Variants in QKI observed in about 807,000 individuals in gnomAD.
QKI encodes KH domain-containing RNA-binding protein QKI.
QKI carries 10 observed loss-of-function variants against 39.0 expected under a neutral mutation model. The observed-to-expected ratio is 0.26, with a 90% CI of 0.16 to 0.43. The LOEUF (loss-of-function observed/expected upper bound fraction) is 0.43, where lower values mean the gene tolerates loss of function less well. Ranked by LOEUF, QKI falls within the 20% of genes least tolerant of loss-of-function variation. The probability of loss-of-function intolerance (pLI) is 1.00; values close to 1 mark genes in which losing one functional copy is unlikely to be tolerated. For synonymous variants in QKI, 204 were observed against 155.4 expected, an observed-to-expected ratio of 1.31 and a Z score of -2.33; for missense variants, 218 against 428.0, an observed-to-expected ratio of 0.51 and a Z score of 4.33.
intron 3 of QKI, among the ~76,000 whole-genome samples, chr6:163,487,284 CTCCTT>C (rs1777743120): frequency 6.6e-6 from 1 of 152,078 alleles, no homozygotes; most frequent in East Asian, 1.9e-4. Context: ...CATTGCCTCT[CTCCTT>C]TCAAGAGGGA....
chr6:163,479,048 G>A (rs558935200), intron 3 of QKI, 152 bp downstream of exon 3: 1 of 566,428 alleles, frequency 1.8e-6, no homozygotes, highest in East Asian at 3.3e-5. Flanking sequence ...CACTTTGGGA[G>A]GCCGAGGCAG....
At chr6:163,485,239 G>A (rs1229235616) in intron 3 of QKI, among the ~76,000 whole-genome samples, 1 of 152,114 alleles carries the variant, frequency 6.6e-6, no homozygotes, top group Non-Finnish European at 1.5e-5. Flanking sequence ...TAGACTAGAG[G>A]ATGAATTTTA....
At chr6:163,472,167 A>T (rs1208971765) in intron 2 of QKI, among the ~76,000 whole-genome samples, 1 of 152,200 alleles carries the variant, frequency 6.6e-6, no homozygotes, top group African/African-American at 2.4e-5. Context: ...TAAACAGTTG[A>T]TCAACACATT....
intron 1 of QKI, among the ~76,000 whole-genome samples, chr6:163,441,606 G>T (rs532031594): frequency 5.9e-5 from 9 of 152,282 alleles, no homozygotes; most frequent in African/African-American, 1.9e-4. Flanking sequence ...AAATAAAATT[G>T]AAGGGTAAAG....
At chr6:163,477,676 T>C (rs1792726641) in intron 2 of QKI, among the ~76,000 whole-genome samples, 2 of 152,288 alleles carry the variant, frequency 1.3e-5, no homozygotes, top group South Asian at 4.1e-4. Flanking sequence ...TGAAATAAGA[T>C]GTATGAAAAT....
intron 6 of QKI, 159 bp downstream of exon 6, chr6:163,563,878 G>C (rs554472675): frequency 3.0e-4 from 431 of 1,425,982 alleles, no homozygotes; most frequent in Non-Finnish European, 3.6e-4. Flanking sequence ...TCTCATAAGG[G>C]TTCCCCTTTG....
chr6:163,427,484 TG>T (rs750713143), intron 1 of QKI, among the ~76,000 whole-genome samples: 4 of 151,942 alleles, frequency 2.6e-5, no homozygotes, highest in African/African-American at 9.7e-5. Context: ...CCTTTTTTGG[TG>T]GGGGGGTCCT....
chr6:163,569,365 C>T, intron 7 of QKI: 1 of 1,226,510 alleles, frequency 8.2e-7, no homozygotes, highest in Non-Finnish European at 1.0e-6. Flanking sequence ...ACCTTCTGGG[C>T]TTTGATTTAT....
chr6:163,506,842 A>G (rs1483972663), intron 3 of QKI, among the ~76,000 whole-genome samples: 1 of 152,084 alleles, frequency 6.6e-6, no homozygotes, highest in African/African-American at 2.4e-5. Flanking sequence ...ACATAAGTAC[A>G]CCCCTTTCAG....
chr6:163,467,323 A>C (rs1284865919), intron 2 of QKI, among the ~76,000 whole-genome samples: 1 of 152,192 alleles, frequency 6.6e-6, no homozygotes, highest in East Asian at 1.9e-4. Context: ...GGAGGGAGGG[A>C]TTCAGTCACT....
At chr6:163,433,010 T>G (rs1358580421) in intron 1 of QKI, among the ~76,000 whole-genome samples, 1 of 152,050 alleles carries the variant, frequency 6.6e-6, no homozygotes, top group Non-Finnish European at 1.5e-5. Flanking sequence ...TAAAGGCAGG[T>G]GGAAGTAAGA....
intron 1 of QKI, chr6:163,429,120 A>C (rs2128210294): frequency 6.6e-6 from 1 of 152,308 alleles, no homozygotes; most frequent in Middle Eastern, 3.4e-3. Context: ...TTTTCAGGGA[A>C]ATATAGCAAT....
At chr6:163,418,645 T>C (rs1188020332) in intron 1 of QKI, among the ~76,000 whole-genome samples, 1 of 152,088 alleles carries the variant, frequency 6.6e-6, no homozygotes, top group Non-Finnish European at 1.5e-5. Flanking sequence ...TTATTGAAGA[T>C]AGAGATGATT....
At chr6:163,438,265 A>G (rs1288402948) in intron 1 of QKI, among the ~76,000 whole-genome samples, 2 of 152,228 alleles carry the variant, frequency 1.3e-5, no homozygotes, top group Admixed American at 6.5e-5. Flanking sequence ...TTTCAGATCT[A>G]TCAGAACACA....
intron 6 of QKI, chr6:163,564,703 C>T (rs1482071126): frequency 6.2e-7 from 1 of 1,613,890 alleles, no homozygotes; most frequent in Non-Finnish European, 8.5e-7. Context: ...GATATTTCAG[C>T]CCATTGACTT....
At chr6:163,547,885 CTTG>C (rs1444686711) in intron 4 of QKI, among the ~76,000 whole-genome samples, 2 of 152,092 alleles carry the variant, frequency 1.3e-5, no homozygotes, top group African/African-American at 4.8e-5. Context: ...CATCACACTC[CTTG>C]TTGTAGGTTT....
In QKI at chr6:163,425,326, G is replaced by A. The variant is rs540698310; in HGVS notation, c.142+9991G>A. On this transcript the variant is annotated intron_variant, in intron 1 of 7. Transcript: ENST00000361752. ...GGCAAATGCATAGATAGAAGTAGTGGGAATAGATAGAGACTACAGAAAGCA... is the reference window on the plus strand; with the variant it reads ...GGCAAATGCATAGATAGAAGTAGTGAGAATAGATAGAGACTACAGAAAGCA... Among the ~76,000 whole-genome samples, 6 of 152,268 alleles carry A rather than the reference G, an allele frequency of 3.9e-5. No individual in the cohort carries two copies. In the South Asian group the frequency reaches 1.2e-3, roughly 32 times the overall value.
chr6:163,484,109 A>T (rs1341440444), intron 3 of QKI, among the ~76,000 whole-genome samples: 1 of 152,196 alleles, frequency 6.6e-6, no homozygotes, highest in East Asian at 1.9e-4. Context: ...ATATGTCTCA[A>T]CAGTAGGCTT....
intron 4 of QKI, among the ~76,000 whole-genome samples, chr6:163,557,471 T>TA (rs1433640896): frequency 6.6e-6 from 1 of 152,086 alleles, no homozygotes; most frequent in African/African-American, 2.4e-5. Flanking sequence ...TTGTGGGAGC[T>TA]AAAAAAATTA....
Sources: allele counts gnomAD v4.1 joint callset (sites outside exome capture counted in the v4.1 genomes callset), GRCh38; gene constraint gnomAD v4.1.1; transcripts MANE v1.5; gene names NCBI Gene and HGNC (gene_info 2026-07-23, HGNC 2026-07-21).